Variants in GLMN observed in about 807,000 individuals in gnomAD.
GLMN encodes glomulin.
A neutral mutation model predicts 87.8 loss-of-function variants in GLMN; 75 were observed. The observed-to-expected ratio is 0.85, with a 90% CI of 0.71 to 1.04. The LOEUF (loss-of-function observed/expected upper bound fraction) is 1.04. Among genes scored for constraint, GLMN ranks in the 50% least tolerant of loss-of-function variants. The pLI, the probability that GLMN is intolerant of heterozygous loss-of-function variation, is 0.00. For synonymous variants in GLMN, 206 were observed against 221.6 expected (o/e 0.93, Z 0.63); for missense variants, 588 against 658.8 (o/e 0.89, Z 1.18).
rs760746911 is a variant in GLMN at position 92,291,447 on chromosome 1, A to T, written c.256T>A (p.Tyr86Asn). 5.6e-6 allele frequency: 9 copies of T among 1,594,472 alleles called. No homozygotes were observed. The highest frequency in any genetic ancestry group is 6.9e-6 in the Non-Finnish European group (8 of 1,162,146). The stretch of plus-strand genomic sequence containing the variant: ...ACCAATAAATCAAAGATCAAAAAAT[A>T]AACTTTTCTTTTACTATCCTCTTTA... ...KDKEDSKRKV[Y>N]FLIFDLLVKL... Residue 86 changes from tyrosine (Y) to asparagine (N), a missense_variant, in exon 4 of 19, where the codon TAT becomes AAT. Transcript: ENST00000370360.
At chr1:92,284,266 AACAGATAT>A (rs1240318272) in intron 7 of GLMN, among the ~76,000 whole-genome samples, 1 of 152,210 alleles carries the variant, frequency 6.6e-6, no homozygotes. Context: ...CTGGTACCGA[AACAGATAT>A]ACAGACCAAT....
the GLMN span, among the ~76,000 whole-genome samples, chr1:92,334,919 C>T: frequency 4.9e-4 from 75 of 152,166 alleles, no homozygotes; most frequent in African/African-American, 1.7e-3. Context: ...ACCCAGGAGG[C>T]GGAGCTTGCA....
chr1:92,304,330 A>T, the GLMN span: 26 of 1,522,862 alleles, frequency 1.7e-5, no homozygotes, highest in Admixed American at 4.5e-4. Context: ...AATAAAGTCT[A>T]TGATATTACT....
intron 3 of GLMN, among the ~76,000 whole-genome samples, chr1:92,296,636 A>G (rs1008970265): frequency 7.2e-5 from 11 of 152,212 alleles, no homozygotes; most frequent in Non-Finnish European, 1.6e-4. Flanking sequence ...CGTCTTCCTT[A>G]TAAGGAGTAT....
the GLMN span, among the ~76,000 whole-genome samples, chr1:92,319,470 T>C: frequency 6.6e-6 from 1 of 152,140 alleles, no homozygotes; most frequent in Non-Finnish European, 1.5e-5. Flanking sequence ...TTTCTTCTAC[T>C]AAATTTTAAG....
In GLMN at chr1:92,286,529, A is replaced by T. The variant is rs752136323; in HGVS notation, c.696T>A (p.Gly232=). Residue 232 remains glycine, a synonymous_variant, in exon 7 of 19, where the codon GGT becomes GGA. Transcript: ENST00000370360. The part of the protein sequence containing the change: ...TAQFFEQSEE[G]GNDPFRYFAS... ...CAAAATACCTGAAAGGATCATTTCC[A>T]CCTTCTTCAGACTGTTCAAAGAATT... is the stretch of plus-strand genomic sequence containing the variant. 1.2e-6 allele frequency: 2 copies of T among 1,602,980 alleles called. No individual in the cohort carries two copies. The highest frequency in any genetic ancestry group is 1.7e-6 in the Non-Finnish European group (2 of 1,170,024).
chr1:92,287,740 C>T lies in GLMN; in HGVS notation c.633-1148G>A, dbSNP rs147767130. ...TATTTTATATTCTATTTTTTAGAGA[C>T]GAGGTCTTGCTATGTTGCCCAGGCT... On this transcript the variant is annotated intron_variant, in intron 6 of 18. Transcript: ENST00000370360. Among the ~76,000 whole-genome samples, 20 of 151,668 alleles carry T rather than the reference C, an allele frequency of 1.3e-4. No homozygotes were observed. In the East Asian group the frequency reaches 1.6e-3, roughly 12 times the overall value.
At chr1:92,298,769 G>T (rs1426501924) in intron 1 of GLMN, among the ~76,000 whole-genome samples, 156 bp downstream of exon 1, 1 of 151,806 alleles carries the variant, frequency 6.6e-6, no homozygotes, top group African/African-American at 2.4e-5. Context: ...CGTGCGGGCT[G>T]CATCAGAGGA....
the GLMN span, among the ~76,000 whole-genome samples, chr1:92,347,529 A>C: frequency 6.6e-6 from 1 of 152,226 alleles, no homozygotes; most frequent in Admixed American, 6.5e-5. Flanking sequence ...CATCATGAGC[A>C]CTGCTTACTG....
chr1:92,249,591 TA>T (rs1185484534), intron 16 of GLMN, among the ~76,000 whole-genome samples: 1 of 152,174 alleles, frequency 6.6e-6, no homozygotes, highest in African/African-American at 2.4e-5. Flanking sequence ...GTATTTGGGG[TA>T]TCCATCCTCT....
the GLMN span, among the ~76,000 whole-genome samples, chr1:92,325,421 T>C: frequency 5.3e-5 from 8 of 152,134 alleles, no homozygotes; most frequent in African/African-American, 1.4e-4. Flanking sequence ...CCAAAACTTA[T>C]ATTAAGCTAG....
rs146843188 is a variant in GLMN at position 92,282,340 on chromosome 1, A to G, written c.735+4150T>C. Among the ~76,000 whole-genome samples, 397 of 152,354 alleles carry G rather than the reference A, an allele frequency of 2.6e-3. 2 individuals are homozygous for G. Among genetic ancestry groups the G allele is most frequent in the African/African-American group, 9.1e-3 (377 of 41,578 alleles). ...GAAACTCACTCAAAACTGCACAACT[A>G]CATGGAAACTGAACAACCTGCTCCT... On this transcript the variant is annotated intron_variant, in intron 7 of 18. Coordinates refer to ENST00000370360, the MANE Select transcript of GLMN (RefSeq NM_053274.3).
intron 16 of GLMN, among the ~76,000 whole-genome samples, chr1:92,256,948 A>C (rs1654357058): frequency 6.6e-6 from 1 of 152,228 alleles, no homozygotes; most frequent in Non-Finnish European, 1.5e-5. Context: ...TCAAATAGGA[A>C]GAAAGGAGGT....
intron 8 of GLMN, among the ~76,000 whole-genome samples, chr1:92,270,504 ATGG>A (rs1351255837): frequency 1.3e-5 from 2 of 152,340 alleles, no homozygotes; most frequent in East Asian, 1.9e-4. Flanking sequence ...TGTTTCATAC[ATGG>A]TGAACATGCA....
At chr1:92,285,144 A>G (rs1648575078) in intron 7 of GLMN, among the ~76,000 whole-genome samples, 1 of 152,176 alleles carries the variant, frequency 6.6e-6, no homozygotes, top group South Asian at 2.1e-4. Flanking sequence ...AAATCATTCT[A>G]TGATAAAGAC....
the GLMN span, among the ~76,000 whole-genome samples, chr1:92,342,705 C>T: frequency 6.6e-6 from 1 of 152,064 alleles, no homozygotes; most frequent in Non-Finnish European, 1.5e-5. Flanking sequence ...AAGAAGTGAT[C>T]AGATCCTATT....
intron 13 of GLMN, 103 bp from the exon 14 acceptor site, chr1:92,264,741 A>G: frequency 1.4e-6 from 1 of 730,014 alleles, no homozygotes; most frequent in South Asian, 1.5e-5. Context: ...TGTTACTTCT[A>G]GGAATAAAAA....
At chr1:92,369,491 G>A in the GLMN span, among the ~76,000 whole-genome samples, 5 of 152,148 alleles carry the variant, frequency 3.3e-5, no homozygotes, top group Admixed American at 3.3e-4. Flanking sequence ...TTTTAGTAGA[G>A]ATGGGATCTT....
chr1:92,348,358 C>A, the GLMN span, among the ~76,000 whole-genome samples: 1 of 152,172 alleles, frequency 6.6e-6, no homozygotes, highest in South Asian at 2.1e-4. Context: ...TAGGGGAAAC[C>A]CTTTTAGCTT....
Sources: gnomAD v4.1 joint callset for allele counts (sites outside exome capture counted in the v4.1 genomes callset) on GRCh38, gnomAD v4.1.1 for gene constraint, MANE v1.5 for transcripts, NCBI Gene and HGNC (gene_info 2026-07-23, HGNC 2026-07-21) for gene names.